The following PLBD1 variants were observed in gnomAD, a reference collection of about 807,000 sequenced individuals.
PLBD1 encodes phospholipase B domain containing 1, also known as lysosomal leucine aminopeptidase.
Under a neutral mutation model 63.0 loss-of-function variants are expected in PLBD1, and 60 were observed. That is an observed-to-expected ratio of 0.95 (90% CI 0.77 to 1.18). PLBD1 has a LOEUF of 1.18. Among genes scored for constraint, PLBD1 ranks in the 50% most tolerant of loss-of-function variants. The pLI, the probability that PLBD1 is intolerant of heterozygous loss-of-function variation, is 0.00. For synonymous variants in PLBD1, 262 were observed against 248.0 expected, an observed-to-expected ratio of 1.06 and a Z score of -0.53; for missense variants, 598 against 677.9, an observed-to-expected ratio of 0.88 and a Z score of 1.31.
At chr12:14,560,331 C>T (rs1443614935) in intron 1 of PLBD1, among the ~76,000 whole-genome samples, 3 of 151,988 alleles carry the variant, frequency 2.0e-5, no homozygotes, top group Admixed American at 6.6e-5. Context: ...TAGTTTTCAA[C>T]CCCAAGCAAT....
At chr12:14,531,010 T>C (rs1945455893) in intron 6 of PLBD1, 1 of 152,224 alleles carries the variant, frequency 6.6e-6, no homozygotes, top group African/African-American at 2.4e-5. Flanking sequence ...GTTGTTGTTG[T>C]TTTGTTGTTG....
chr12:14,509,881 T>A (rs562285200), intron 8 of PLBD1, among the ~76,000 whole-genome samples: 9 of 152,254 alleles, frequency 5.9e-5, no homozygotes, highest in African/African-American at 1.9e-4. Context: ...AATAAATCTA[T>A]CTATTTATCT....
At chr12:14,556,979 A>T (rs1307836997) in intron 1 of PLBD1, among the ~76,000 whole-genome samples, 1 of 106,468 alleles carries the variant, frequency 9.4e-6, no homozygotes, top group Non-Finnish European at 1.9e-5. Context: ...ACAAGAGCGG[A>T]ATTCCCTCTC....
At chr12:14,558,769 A>C (rs73310042) in intron 1 of PLBD1, among the ~76,000 whole-genome samples, 3,104 of 152,282 alleles carry the variant, frequency 0.02, 112 homozygotes, top group African/African-American at 0.069. Context: ...TACTAAACCA[A>C]GAGCTATGTT....
intron 2 of PLBD1, among the ~76,000 whole-genome samples, chr12:14,550,924 G>A (rs1018944892): frequency 3.3e-5 from 5 of 151,920 alleles, no homozygotes; most frequent in Non-Finnish European, 7.4e-5. Context: ...ACACCTGTAG[G>A]CTCAACTACT....
At chr12:14,532,874 G>A (rs573426387) in intron 6 of PLBD1, among the ~76,000 whole-genome samples, 1 of 152,196 alleles carries the variant, frequency 6.6e-6, no homozygotes, top group Non-Finnish European at 1.5e-5. Context: ...GGATGCTGGA[G>A]GGGGATTTAG....
chr12:14,538,350 G>A (rs1016389284), intron 4 of PLBD1, among the ~76,000 whole-genome samples: 1 of 151,156 alleles, frequency 6.6e-6, no homozygotes, highest in Non-Finnish European at 1.5e-5. Flanking sequence ...CCCGCCCCAT[G>A]TCCAGCTAAT....
intron 8 of PLBD1, 45 bp from the exon 9 acceptor site, chr12:14,507,163 G>C (rs368058825): frequency 3.1e-4 from 438 of 1,422,132 alleles, no homozygotes; most frequent in Admixed American, 4.3e-4. Context: ...TGACAGGGAA[G>C]GAGACAGAAA....
chr12:14,544,871 T>C (rs1945605153), intron 2 of PLBD1, among the ~76,000 whole-genome samples: 1 of 152,238 alleles, frequency 6.6e-6, no homozygotes, highest in African/African-American at 2.4e-5. Flanking sequence ...AAGCACCCTA[T>C]GCAAATTTAA....
intron 6 of PLBD1, among the ~76,000 whole-genome samples, chr12:14,534,169 T>C (rs1945490510): frequency 6.6e-6 from 1 of 152,082 alleles, no homozygotes; most frequent in Admixed American, 6.6e-5. Context: ...AAGGAATTTC[T>C]GATAGGAAGA....
At chr12:14,563,153 C>G (rs930949906) in intron 1 of PLBD1, among the ~76,000 whole-genome samples, 2 of 152,140 alleles carry the variant, frequency 1.3e-5, no homozygotes, top group African/African-American at 4.8e-5. Context: ...TGGGCACTTC[C>G]TTCAGACTTT....
chr12:14,518,727 C>T (rs1444370107), intron 6 of PLBD1, among the ~76,000 whole-genome samples: 13 of 151,970 alleles, frequency 8.6e-5, no homozygotes, highest in African/African-American at 3.1e-4. Flanking sequence ...AATATTTATT[C>T]AATGATTATA....
At position 14,507,050 on chromosome 12, in the gene PLBD1, C is replaced by T. The variant is rs889394151; in HGVS notation, c.1255G>A (p.Val419Ile). The T allele has an allele frequency of 6.2e-7, 1 of 1,613,676 alleles. No homozygotes were observed. The highest frequency in any genetic ancestry group is 8.5e-7 in the Non-Finnish European group (1 of 1,179,862). ...IYNWSGYPLL[V>I]QKLGLDYSYD... is the part of the protein sequence containing the mutation. Reference sequence around the variant, plus strand: ...GAGTAGTCCAAGCCCAGCTTCTGAACTAACAGTGGATAGCCACTCCAGTTG... The same window carrying T: ...GAGTAGTCCAAGCCCAGCTTCTGAATTAACAGTGGATAGCCACTCCAGTTG... Residue 419 changes from valine to isoleucine, a missense_variant, in exon 9 of 11, where the codon GTT (valine) becomes ATT (isoleucine). Transcript: ENST00000240617.
At chr12:14,528,441 A>G (rs960796609) in intron 6 of PLBD1, among the ~76,000 whole-genome samples, 2 of 152,094 alleles carry the variant, frequency 1.3e-5, no homozygotes, top group Non-Finnish European at 2.9e-5. Flanking sequence ...AGTGACAAAG[A>G]TCTGAAAAAT....
intron 2 of PLBD1, among the ~76,000 whole-genome samples, chr12:14,542,864 G>A (rs1016778312): frequency 3.3e-5 from 5 of 151,980 alleles, no homozygotes; most frequent in East Asian, 1.9e-4. Flanking sequence ...TGGCTAACAC[G>A]GTGAAACCCC....
At position 14,533,438 on chromosome 12, in the gene PLBD1, C is replaced by G. The variant is rs1945483430; in HGVS notation, c.844+2221G>C. 2.0e-5 allele frequency among the ~76,000 whole-genome samples: 3 copies of G among 152,346 alleles called. 1 individual carries two copies. In the South Asian group the frequency reaches 6.2e-4, roughly 32 times the overall value. On this transcript the variant is annotated intron_variant, in intron 6 of 10. Transcript: ENST00000240617. ...TTATCTATGAAATCTACTTGTGTAT[C>G]TCATCTGGAAGGATACATATGCAAA...
intron 9 of PLBD1, 118 bp from the exon 10 acceptor site, chr12:14,506,386 C>A (rs1945256509): frequency 5.8e-6 from 4 of 688,042 alleles, no homozygotes; most frequent in Non-Finnish European, 9.7e-6. Context: ...TCCCACAGGC[C>A]TCCTCAGCCC....
intron 1 of PLBD1, among the ~76,000 whole-genome samples, chr12:14,554,842 C>T (rs1945689035): frequency 6.6e-6 from 1 of 152,038 alleles, no homozygotes; most frequent in Non-Finnish European, 1.5e-5. Context: ...TCATTCTCCC[C>T]ACAGGTTCCT....
chr12:14,542,403 G>C, intron 2 of PLBD1, 112 bp from the exon 3 acceptor site: 1 of 723,570 alleles, frequency 1.4e-6, no homozygotes, highest in Non-Finnish European at 2.3e-6. Context: ...TACAAACTCT[G>C]CCTACTATCT....
Sources: gnomAD v4.1 joint callset for allele counts (sites outside exome capture counted in the v4.1 genomes callset) on GRCh38, gnomAD v4.1.1 for gene constraint, MANE v1.5 for transcripts, NCBI Gene and HGNC (gene_info 2026-07-23, HGNC 2026-07-21) for gene names.